SPIRE2: variants seen among roughly 807,000 people sequenced by gnomAD.
SPIRE2 encodes the protein protein spire homolog 2.
Under a neutral mutation model 80.7 loss-of-function variants are expected in SPIRE2, and 76 were observed. That is an observed-to-expected ratio of 0.94 (90% CI 0.78 to 1.14). The LOEUF is 1.14. Ranked by LOEUF, SPIRE2 falls within the 50% of genes most tolerant of loss-of-function variation. The pLI is 0.00. For missense variants in SPIRE2, 1,196 were observed against 1,015.3 expected, an observed-to-expected ratio of 1.18 and a Z score of -2.42; for synonymous variants, 535 against 432.6, an observed-to-expected ratio of 1.24 and a Z score of -2.94.
chr16:89,849,313 C>T (rs1212157328), intron 2 of SPIRE2, among the ~76,000 whole-genome samples: 1 of 152,236 alleles, frequency 6.6e-6, no homozygotes, highest in Non-Finnish European at 1.5e-5. Context: ...CGTCCTGATC[C>T]AGCTTGGGCA....
At chr16:89,854,033 G>A (rs1363712949) in intron 3 of SPIRE2, among the ~76,000 whole-genome samples, 2 of 152,264 alleles carry the variant, frequency 1.3e-5, no homozygotes, top group Non-Finnish European at 2.9e-5. Context: ...GTGGCAGGGT[G>A]CATGGCCCAC....
intron 1 of SPIRE2, among the ~76,000 whole-genome samples, chr16:89,830,819 AC>A (rs2041372081): frequency 6.6e-6 from 1 of 150,998 alleles, no homozygotes; most frequent in Admixed American, 6.6e-5. Context: ...AAGTAGTAAT[AC>A]TTCTCATTTC....
At chr16:89,845,504 G>A (rs189917008) in intron 2 of SPIRE2, 139 bp downstream of exon 2, 5 of 813,268 alleles carry the variant, frequency 6.1e-6, no homozygotes, top group Admixed American at 5.9e-5. Flanking sequence ...AACAGGCTTA[G>A]TTGCAGGGAC....
chr16:89,850,695 G>A (rs750116791), intron 3 of SPIRE2, 35 bp downstream of exon 3: 47 of 1,369,604 alleles, frequency 3.4e-5, no homozygotes, highest in South Asian at 1.5e-5. Flanking sequence ...TGGAGGGTCC[G>A]GGAGGCCAGG....
intron 1 of SPIRE2, among the ~76,000 whole-genome samples, chr16:89,832,124 G>C (rs2041390885): frequency 6.6e-6 from 1 of 152,258 alleles, no homozygotes; most frequent in South Asian, 2.1e-4. Flanking sequence ...CGTGAGGCAA[G>C]AGAGGGGCTC....
intron 13 of SPIRE2, among the ~76,000 whole-genome samples, chr16:89,868,914 C>T (rs1327485185): frequency 2.0e-5 from 3 of 149,716 alleles, no homozygotes; most frequent in African/African-American, 7.4e-5. Flanking sequence ...GCCTGCAGTT[C>T]CTGCACTTTG....
At position 89,856,175 on chromosome 16, in the gene SPIRE2, G is replaced by C. The variant is rs201073030; in HGVS notation, c.1041G>C (p.Leu347=). The C allele has an allele frequency of 6.2e-7, 1 of 1,609,660 alleles. No individual in the cohort carries two copies. The highest frequency in any genetic ancestry group is 8.5e-7 in the Non-Finnish European group (1 of 1,178,660). The change falls in exon 7 of 15, where the codon CTG becomes CTC. Residue 347 remains leucine (L), a synonymous_variant. Coordinates refer to ENST00000378247, the MANE Select transcript of SPIRE2 (RefSeq NM_032451.2). ...PKQRSLHEKI[L]EEIKQERRLR... ...AAAGGTCCCTGCATGAGAAGATCCT[G>C]GAGGAGATCAAGCAGGAGCGGAGGC...
At chr16:89,834,592 G>A (rs1161315001) in intron 1 of SPIRE2, among the ~76,000 whole-genome samples, 6 of 110,414 alleles carry the variant, frequency 5.4e-5, no homozygotes, top group South Asian at 3.5e-4. Flanking sequence ...AGCATAGCCC[G>A]TGTGAATCTG....
chr16:89,829,230 G>A (rs980922114), intron 1 of SPIRE2, among the ~76,000 whole-genome samples: 5 of 152,242 alleles, frequency 3.3e-5, no homozygotes, highest in African/African-American at 1.2e-4. Flanking sequence ...AAGGTGGGGG[G>A]CTGCGCCTCA....
intron 1 of SPIRE2, chr16:89,836,200 G>C (rs1447948373): frequency 4.4e-6 from 2 of 455,830 alleles, no homozygotes; most frequent in Non-Finnish European, 8.8e-6. Context: ...ACAAACATAG[G>C]TTATTCTCTT....
chr16:89,853,902 C>T (rs533686715), intron 3 of SPIRE2, among the ~76,000 whole-genome samples: 2 of 152,372 alleles, frequency 1.3e-5, no homozygotes, highest in South Asian at 2.1e-4. Flanking sequence ...CGTATCCATT[C>T]ACCCAAGCCA....
intron 12 of SPIRE2, among the ~76,000 whole-genome samples, chr16:89,866,860 C>T (rs1176507362): frequency 6.9e-5 from 10 of 145,462 alleles, no homozygotes; most frequent in African/African-American, 2.0e-4. Flanking sequence ...CTGCCCATCT[C>T]GGTCTCCCAA....
At chr16:89,857,695 C>T (rs184804230) in intron 7 of SPIRE2, among the ~76,000 whole-genome samples, 20 of 151,356 alleles carry the variant, frequency 1.3e-4, no homozygotes, top group Admixed American at 1.3e-4. Flanking sequence ...CTCAGCCTCC[C>T]GGGTAGCTGG....
At chr16:89,844,377 T>C (rs2041536870) in intron 1 of SPIRE2, among the ~76,000 whole-genome samples, 1 of 151,842 alleles carries the variant, frequency 6.6e-6, no homozygotes, top group Non-Finnish European at 1.5e-5. Flanking sequence ...GGTTTCATCA[T>C]GTTGGTCAGG....
intron 1 of SPIRE2, among the ~76,000 whole-genome samples, chr16:89,834,884 G>A (rs912311803): frequency 2.7e-5 from 4 of 146,442 alleles, no homozygotes; most frequent in South Asian, 2.2e-4. Context: ...GCCCGCACTC[G>A]CAGCTGGCCG....
Position 89,828,742 on chromosome 16 carries a change from C to T in SPIRE2, c.192C>T (p.Asp64=). The T allele has an allele frequency of 4.9e-6, 6 of 1,222,644 alleles. No individual in the cohort carries two copies. The highest frequency in any genetic ancestry group is 6.1e-6 in the Non-Finnish European group (6 of 980,252). 75.7% of individuals were successfully genotyped at this position (1,222,644 alleles called of 1,614,324 possible). ...GCCGGCGCCTGCGGGATACCGGGGA[C>T]CTCCTGCTGCGCGGGGACGGCTCGG... The part of the protein sequence containing the change: ...SPGRRLRDTG[D]LLLRGDGSVG... The change falls in exon 1 of 15, where the codon GAC becomes GAT. Residue 64 remains aspartate, a synonymous_variant. Transcript: ENST00000378247. This position sits in a 1 kb window ranked among gnomAD's most constrained non-coding sequence, Gnocchi z 5.9.
intron 12 of SPIRE2, 145 bp from the exon 13 acceptor site, chr16:89,868,044 A>G (rs991042993): frequency 2.2e-5 from 19 of 873,300 alleles, no homozygotes; most frequent in Middle Eastern, 2.2e-4. Flanking sequence ...ATTTTGGAGT[A>G]AAATAAAGTA....
chr16:89,848,821 C>G (rs2041591219), intron 2 of SPIRE2, among the ~76,000 whole-genome samples: 1 of 150,304 alleles, frequency 6.7e-6, no homozygotes, highest in African/African-American at 2.5e-5. Flanking sequence ...GAGGCAGGTT[C>G]CAGGGCCTTC....
At position 89,870,486 on chromosome 16, in the gene SPIRE2, A is replaced by G. The variant is rs551310261; in HGVS notation, c.*214A>G. The stretch of plus-strand genomic sequence containing the variant: ...TCCCTGGGGGAGGCTGTTTCTTCTC[A>G]GGATTCCTTGCCAGGGAGGAAGGGG... On this transcript the variant is annotated 3_prime_UTR_variant, in exon 15 of 15. Transcript: ENST00000378247. 33 of 502,528 alleles carry G rather than the reference A, an allele frequency of 6.6e-5. No homozygotes were observed. The highest frequency in any genetic ancestry group is 1.1e-4 in the Non-Finnish European group (31 of 281,054). The allele number at this position is 502,528 out of a possible 1,614,324, so 31.1% of individuals were successfully genotyped here. A position where few individuals can be genotyped will look rare whatever the true frequency, so the allele number is the denominator to read the frequency against.
Sources: allele counts gnomAD v4.1 joint callset (sites outside exome capture counted in the v4.1 genomes callset), GRCh38; gene constraint gnomAD v4.1.1; non-coding constraint Gnocchi (gnomAD v3.1); transcripts MANE v1.5; gene names NCBI Gene and HGNC (gene_info 2026-07-23, HGNC 2026-07-21).